NPHP1: variants seen among roughly 807,000 people sequenced by gnomAD.
The protein encoded by NPHP1 is nephrocystin 1, also known as nephrocystin-1.
In NPHP1, 70 loss-of-function variants were observed where a neutral mutation model predicts 90.4. That is an observed-to-expected ratio of 0.77 (90% CI 0.64 to 0.95). NPHP1 has a LOEUF of 0.95. NPHP1 is among the 40% of genes least tolerant of loss of function. The pLI, the probability that NPHP1 is intolerant of heterozygous loss-of-function variation, is 0.00. For synonymous variants in NPHP1, 256 were observed against 271.7 expected (o/e 0.94, Z 0.57); for missense variants, 764 against 795.9 (o/e 0.96, Z 0.48).
At chr2:110,139,839 C>T (rs1276436623) in intron 16 of NPHP1, among the ~76,000 whole-genome samples, 1 of 152,080 alleles carries the variant, frequency 6.6e-6, no homozygotes, top group African/African-American at 2.4e-5. Flanking sequence ...AGGAGAAGGA[C>T]TATTGGTGTC....
chr2:110,170,629 G>T (rs1683059245), intron 4 of NPHP1, among the ~76,000 whole-genome samples: 1 of 152,102 alleles, frequency 6.6e-6, no homozygotes, highest in African/African-American at 2.4e-5. Context: ...CAAGGAGCTT[G>T]CAGTGAGACA....
rs3086121 is a variant in NPHP1 at position 110,180,448 on chromosome 2, CTTTTTTT to C, written c.144-771_144-765del. Among the ~76,000 whole-genome samples the C allele has an allele frequency of 1.4e-3, 110 of 80,914 alleles. 1 individual carries two copies. Among genetic ancestry groups the C allele is most frequent in the South Asian group, 3.9e-3 (6 of 1,554 alleles). 53.1% of individuals were successfully genotyped at this position (80,914 alleles called of 152,430 possible). A position where few individuals can be genotyped will look rare whatever the true frequency, so the allele number is the denominator to read the frequency against. ...AGTCACTTTTTTATGCCGTTTGAGT[CTTTTTTT>C]TTTTTTTTTTTTTTTTGCTTATAGA... On this transcript the variant is annotated intron_variant, in intron 2 of 19. Coordinates refer to ENST00000445609, the MANE Select transcript of NPHP1 (RefSeq NM_001128178.3).
rs187485873 is a variant in NPHP1, at chr2:110,158,845, T to C, written c.1083+1282A>G. On this transcript the variant is annotated intron_variant, in intron 11 of 19. Transcript: ENST00000445609. ...TATTTCTTGGATATCTTTGACTTGTTCCTGGTCTTAGGAAAAAAGTGTTCA... is the reference window on the plus strand; with the variant it reads ...TATTTCTTGGATATCTTTGACTTGTCCCTGGTCTTAGGAAAAAAGTGTTCA... Among the ~76,000 whole-genome samples, 1,048 of 152,144 alleles carry C rather than the reference T, an allele frequency of 6.9e-3. 8 individuals are homozygous for C. The highest frequency in any genetic ancestry group is 0.011 in the Non-Finnish European group (718 of 67,906).
chr2:110,168,639 GA>G (rs1682890639), intron 5 of NPHP1, 86 bp from the exon 6 acceptor site: 5 of 916,674 alleles, frequency 5.5e-6, no homozygotes, highest in Middle Eastern at 2.2e-4. Flanking sequence ...AATATGTGCT[GA>G]AAAAAAGGCA....
chr2:110,124,094 T>G (rs371648487), intron 19 of NPHP1, 31 bp from the exon 20 acceptor site: 20 of 1,612,740 alleles, frequency 1.2e-5, no homozygotes, highest in Non-Finnish European at 1.7e-5. Context: ...CAAATAACAT[T>G]GTTATTTTTA....
intron 2 of NPHP1, chr2:110,184,142 G>C (rs1282505217): frequency 5.4e-6 from 3 of 555,066 alleles, no homozygotes; most frequent in South Asian, 1.4e-5. Flanking sequence ...CTGGTGATCA[G>C]ATCCACAAAT....
intron 16 of NPHP1, among the ~76,000 whole-genome samples, chr2:110,138,079 A>C (rs1026899502): frequency 6.6e-6 from 1 of 152,090 alleles, no homozygotes; most frequent in Non-Finnish European, 1.5e-5. Context: ...GCAAGACAAA[A>C]AACCAAACAC....
intron 12 of NPHP1, 144 bp downstream of exon 12, chr2:110,150,038 G>A (rs1003485584): frequency 4.0e-5 from 29 of 733,372 alleles, no homozygotes; most frequent in Non-Finnish European, 6.6e-5. Context: ...TCAGAAACAT[G>A]AGTAATTTTT....
chr2:110,128,238 C>T (rs537080523), intron 18 of NPHP1: 1 of 152,170 alleles, frequency 6.6e-6, no homozygotes, highest in East Asian at 1.9e-4. Context: ...GCAGGAGTCA[C>T]CCCCTAATAT....
intron 9 of NPHP1, among the ~76,000 whole-genome samples, chr2:110,162,455 T>C (rs1431921873): frequency 2.0e-5 from 3 of 151,946 alleles, no homozygotes; most frequent in Non-Finnish European, 4.4e-5. Flanking sequence ...AGCAAAGGCA[T>C]CCTCAAAGCA....
chr2:110,200,401 C>A (rs1685493995), intron 2 of NPHP1, among the ~76,000 whole-genome samples: 1 of 151,162 alleles, frequency 6.6e-6, no homozygotes, highest in South Asian at 2.1e-4. Context: ...CATCTCTACT[C>A]AAAATACAAA....
chr2:110,124,159 G>A lies in NPHP1; in HGVS notation c.1762-96C>T, dbSNP rs79332992. On this transcript the variant is annotated intron_variant, in intron 19 of 19. Transcript: ENST00000445609. Reference sequence around the variant, plus strand: ...TAAAAGCCACCTAAGAGGTAGGATGGAGGGTGCCATTAGTGCCTGGCAGGT... The same window carrying A: ...TAAAAGCCACCTAAGAGGTAGGATGAAGGGTGCCATTAGTGCCTGGCAGGT... The A allele has an allele frequency of 2.8e-3, 4,008 of 1,427,980 alleles. 99 individuals are homozygous for A. The African/African-American group carries it at 0.048, about 17-fold the overall frequency. The allele number at this position is 1,427,980 out of a possible 1,614,324, so 88.5% of individuals were successfully genotyped here.
intron 16 of NPHP1, among the ~76,000 whole-genome samples, chr2:110,142,812 G>A (rs930218655): frequency 6.6e-6 from 1 of 152,164 alleles, no homozygotes; most frequent in Non-Finnish European, 1.5e-5. Flanking sequence ...GAAGTATAGT[G>A]TCTACTGAAC....
chr2:110,137,367 T>C (rs1680275874), intron 16 of NPHP1, among the ~76,000 whole-genome samples: 1 of 151,986 alleles, frequency 6.6e-6, no homozygotes, highest in South Asian at 2.1e-4. Flanking sequence ...CAAAAGAAAC[T>C]ACCATCAGAG....
At position 110,193,074 on chromosome 2, in the gene NPHP1, G is replaced by A. The variant is rs112789806; in HGVS notation, c.143+8347C>T. 7.4e-4 allele frequency among the ~76,000 whole-genome samples: 112 copies of A among 152,226 alleles called. 2 individuals are homozygous for A. Among genetic ancestry groups the A allele is most frequent in the African/African-American group, 2.5e-3 (103 of 41,534 alleles). On this transcript the variant is annotated intron_variant, in intron 2 of 19. Transcript: ENST00000445609. The stretch of plus-strand genomic sequence containing the variant: ...AACATGCCAGATTGTGAAGACCATC[G>A]AGGCTAGGAAGAAACTGCATCAACT...
chr2:110,191,552 G>T (rs934657688), intron 2 of NPHP1, among the ~76,000 whole-genome samples: 5 of 152,222 alleles, frequency 3.3e-5, no homozygotes, highest in Middle Eastern at 3.2e-3. Flanking sequence ...AAGGAGGCCT[G>T]CCTGCCTCTT....
At chr2:110,144,981 C>G (rs956243186) in intron 14 of NPHP1, among the ~76,000 whole-genome samples, 1 of 151,622 alleles carries the variant, frequency 6.6e-6, no homozygotes, top group East Asian at 1.9e-4. Context: ...ATAAAAGTAA[C>G]GTGTAGATTA....
intron 16 of NPHP1, among the ~76,000 whole-genome samples, chr2:110,139,863 T>C (rs1026050088): frequency 6.6e-6 from 1 of 152,170 alleles, no homozygotes; most frequent in African/African-American, 2.4e-5. Context: ...ACCCGTCTTG[T>C]TCTCCCACCT....
At chr2:110,151,199 A>T (rs925214070) in intron 11 of NPHP1, among the ~76,000 whole-genome samples, 1 of 149,204 alleles carries the variant, frequency 6.7e-6, no homozygotes, top group Middle Eastern at 3.6e-3. Context: ...GATGTGACCC[A>T]TACAAGCATT....
Sources: allele counts gnomAD v4.1 joint callset (sites outside exome capture counted in the v4.1 genomes callset), GRCh38; gene constraint gnomAD v4.1.1; transcripts MANE v1.5; gene names NCBI Gene and HGNC (gene_info 2026-07-23, HGNC 2026-07-21).